SYNPO2: variants seen among roughly 807,000 people sequenced by gnomAD.
SYNPO2 encodes synaptopodin-2.
In SYNPO2, 56 loss-of-function variants were observed where a neutral mutation model predicts 85.0. The observed-to-expected ratio is 0.66, with a 90% confidence interval of 0.53 to 0.82. The LOEUF is 0.82. Among genes scored for constraint, SYNPO2 ranks in the 40% least tolerant of loss-of-function variants. The pLI is 0.00. For synonymous variants in SYNPO2, 602 were observed against 591.1 expected (o/e 1.02, Z -0.27); for missense variants, 1,575 against 1,534.2 (o/e 1.03, Z -0.44).
At chr4:119,049,654 C>T (rs1738975078) in intron 4 of SYNPO2, among the ~76,000 whole-genome samples, 1 of 152,200 alleles carries the variant, frequency 6.6e-6, no homozygotes, top group African/African-American at 2.4e-5. Flanking sequence ...CAAGTGTTCC[C>T]TGCCAGTTAA....
intron 1 of SYNPO2, among the ~76,000 whole-genome samples, chr4:118,945,853 C>T (rs562867499): frequency 1.1e-3 from 169 of 152,052 alleles, no homozygotes; most frequent in Non-Finnish European, 1.2e-3. Context: ...TCAAGCAATT[C>T]TCCTGCCTCA....
chr4:119,054,047 C>T (rs1490543675), intron 4 of SYNPO2, among the ~76,000 whole-genome samples: 1 of 152,212 alleles, frequency 6.6e-6, no homozygotes, highest in African/African-American at 2.4e-5. Context: ...TTTTTAGCCT[C>T]TTTGCCAGAC....
rs142240671 is a variant in SYNPO2, at chr4:119,034,281, C to G, written c.3252+2254C>G. 1.0e-5 allele frequency: 10 copies of G among 985,288 alleles called. No homozygotes were observed. The East Asian group carries it at 1.0e-3, about 101-fold the overall frequency. 61.0% of individuals were successfully genotyped at this position (985,288 alleles called of 1,614,324 possible). ...AGAGCGGCATGAATTAGAGGAAAGA[C>G]ATGGAACACACAGGTAGTCGGTTTG... On this transcript the variant is annotated intron_variant, in intron 4 of 4. Transcript: ENST00000307142.
chr4:119,006,365 G>T lies in SYNPO2; in HGVS notation c.106-17065G>T, dbSNP rs1372258183. On this transcript the variant is annotated intron_variant, in intron 1 of 4. Coordinates refer to ENST00000307142, the MANE Select transcript of SYNPO2 (RefSeq NM_133477.3). ...TTGTGTCCATAACCCAAACACCAAA[G>T]AATCTTCTAGCTGTGGAGAAAGACC... 3.3e-5 allele frequency: 5 copies of T among 152,268 alleles called. No individual in the cohort carries two copies. The East Asian group carries it at 9.7e-4, about 29-fold the overall frequency. The allele number at this position is 152,268 out of a possible 1,614,324, so 9.4% of individuals were successfully genotyped here.
intron 1 of SYNPO2, among the ~76,000 whole-genome samples, chr4:118,858,563 CAGGGGTAAATCAGAGCCAGTGTG>C (rs1412912976): frequency 4.6e-5 from 7 of 152,152 alleles, no homozygotes; most frequent in Admixed American, 6.6e-5. Context: ...CACAGAACAA[CAGGGGTAAATCAGAGCCAGTGTG>C]AGGGCACCTG....
chr4:118,958,371 A>G (rs1214900317), intron 1 of SYNPO2, among the ~76,000 whole-genome samples: 1 of 152,148 alleles, frequency 6.6e-6, no homozygotes, highest in Non-Finnish European at 1.5e-5. Flanking sequence ...AAGTCTTCTT[A>G]TTTCGTGTAT....
At chr4:118,864,699 T>A (rs1401116035) in intron 1 of SYNPO2, among the ~76,000 whole-genome samples, 1 of 152,224 alleles carries the variant, frequency 6.6e-6, no homozygotes, top group Non-Finnish European at 1.5e-5. Context: ...TATATAGTGA[T>A]CTTCTTTGTC....
intron 4 of SYNPO2, chr4:119,034,086 CT>C (rs1396142301): frequency 7.1e-6 from 7 of 985,266 alleles, no homozygotes; most frequent in Non-Finnish European, 8.4e-6. Flanking sequence ...AAAAAGCAAT[CT>C]ATTCATTATA....
chr4:118,883,276 A>C (rs1461060022), intron 1 of SYNPO2, among the ~76,000 whole-genome samples: 1 of 152,182 alleles, frequency 6.6e-6, no homozygotes, highest in Non-Finnish European at 1.5e-5. Context: ...CATAATGAAG[A>C]GTAACTTCTA....
At chr4:118,859,702 C>T (rs1422583263) in intron 1 of SYNPO2, among the ~76,000 whole-genome samples, 1 of 152,196 alleles carries the variant, frequency 6.6e-6, no homozygotes, top group Non-Finnish European at 1.5e-5. Context: ...TGGCTTATTT[C>T]ATGACCTCCA....
intron 1 of SYNPO2, among the ~76,000 whole-genome samples, chr4:118,994,407 G>C (rs549010315): frequency 2.0e-5 from 3 of 152,190 alleles, no homozygotes; most frequent in African/African-American, 2.4e-5. Context: ...TGAGCTTGGC[G>C]TTCAGAACAT....
At chr4:118,943,975 T>C (rs954328206) in intron 1 of SYNPO2, among the ~76,000 whole-genome samples, 18 of 152,214 alleles carry the variant, frequency 1.2e-4, no homozygotes, top group African/African-American at 3.6e-4. Flanking sequence ...GCCACATTTG[T>C]GTACAACCAA....
At chr4:118,960,832 T>C (rs1735054015) in intron 1 of SYNPO2, among the ~76,000 whole-genome samples, 1 of 152,136 alleles carries the variant, frequency 6.6e-6, no homozygotes, top group African/African-American at 2.4e-5. Context: ...CTTTCCTTCT[T>C]CTTACCACCC....
Position 119,030,472 on chromosome 4 carries a change from A to G in SYNPO2, c.1697A>G (p.Gln566Arg). The G allele has an allele frequency of 6.2e-7, 1 of 1,614,114 alleles. No individual in the cohort carries two copies. The highest frequency in any genetic ancestry group is 8.5e-7 in the Non-Finnish European group (1 of 1,179,976). ...AGTCATGGTCTTGGCCATGTTCCCC[A>G]ACAGAATGGCTTCAGTGGGACATCT... ...EVSHGLGHVP[Q>R]QNGFSGTSET... is the part of the protein sequence containing the mutation. Residue 566 changes from glutamine (Q) to arginine (R), a missense_variant, in exon 4 of 5, where the codon CAA (glutamine) becomes CGA (arginine). Transcript: ENST00000307142.
chr4:118,913,874 T>C (rs944242877), intron 1 of SYNPO2, among the ~76,000 whole-genome samples: 1 of 152,180 alleles, frequency 6.6e-6, no homozygotes, highest in African/African-American at 2.4e-5. Flanking sequence ...CAAATTCTTA[T>C]TAAAGATTTC....
At chr4:118,937,921 A>G (rs1334988007) in intron 1 of SYNPO2, among the ~76,000 whole-genome samples, 4 of 152,206 alleles carry the variant, frequency 2.6e-5, no homozygotes, top group Non-Finnish European at 5.9e-5. Context: ...GTATCCTCCC[A>G]TATACTTAAA....
intron 1 of SYNPO2, among the ~76,000 whole-genome samples, chr4:118,896,693 T>C (rs1407153664): frequency 6.6e-6 from 1 of 152,234 alleles, no homozygotes; most frequent in Non-Finnish European, 1.5e-5. Context: ...AAACTGTATC[T>C]TCAAGTCTTT....
intron 4 of SYNPO2, chr4:119,035,267 C>T (rs1181782885): frequency 1.0e-6 from 1 of 985,282 alleles, no homozygotes; most frequent in Non-Finnish European, 1.2e-6. Context: ...TATAATGAAT[C>T]TGCATAACGC....
intron 1 of SYNPO2, among the ~76,000 whole-genome samples, chr4:118,894,742 G>T (rs1483458548): frequency 6.6e-6 from 1 of 151,764 alleles, no homozygotes; most frequent in Non-Finnish European, 1.5e-5. Flanking sequence ...TATTCTGACA[G>T]TAATATTCAA....
Sources: gnomAD v4.1 joint callset for allele counts (sites outside exome capture counted in the v4.1 genomes callset) on GRCh38, gnomAD v4.1.1 for gene constraint, MANE v1.5 for transcripts, NCBI Gene and HGNC (gene_info 2026-07-23, HGNC 2026-07-21) for gene names.